Variants in BFSP2 observed in about 807,000 individuals in gnomAD.
The protein encoded by BFSP2 is phakinin.
Under a neutral mutation model 44.9 loss-of-function variants are expected in BFSP2, and 38 were observed. The ratio of observed to expected loss-of-function variants is 0.85; its 90% CI spans 0.65 to 1.11. The LOEUF is 1.11. Ranked by LOEUF, BFSP2 falls within the 50% of genes least tolerant of loss-of-function variation. The pLI, the probability that BFSP2 is intolerant of heterozygous loss-of-function variation, is 0.00. For synonymous variants in BFSP2, 197 were observed against 209.9 expected (o/e 0.94, Z 0.53); for missense variants, 525 against 533.0 (o/e 0.99, Z 0.15).
At chr3:133,457,239 G>A (rs1377384911) in intron 4 of BFSP2, among the ~76,000 whole-genome samples, 1 of 152,254 alleles carries the variant, frequency 6.6e-6, no homozygotes, top group South Asian at 2.1e-4. Flanking sequence ...AGCCATGGCT[G>A]TAGCCAGTGT....
chr3:133,450,810 A>G (rs2073956372), intron 4 of BFSP2, among the ~76,000 whole-genome samples: 1 of 152,168 alleles, frequency 6.6e-6, no homozygotes, highest in Non-Finnish European at 1.5e-5. Context: ...ATCTGAATAC[A>G]ATCCTGAAAG....
intron 5 of BFSP2, among the ~76,000 whole-genome samples, chr3:133,467,432 C>A (rs2074122882): frequency 6.6e-6 from 1 of 152,184 alleles, no homozygotes; most frequent in Non-Finnish European, 1.5e-5. Flanking sequence ...GAGACCACAT[C>A]CTCGCTTAGT....
intron 4 of BFSP2, among the ~76,000 whole-genome samples, chr3:133,464,159 G>A (rs1360311495): frequency 1.3e-5 from 2 of 152,154 alleles, no homozygotes; most frequent in African/African-American, 4.8e-5. Context: ...AAAAACTGGG[G>A]TATTGATCAT....
intron 4 of BFSP2, among the ~76,000 whole-genome samples, chr3:133,451,462 G>A (rs1408344557): frequency 6.6e-6 from 1 of 152,238 alleles, no homozygotes; most frequent in East Asian, 1.9e-4. Context: ...CGCTGCCACT[G>A]CAGTGTAAAA....
intron 1 of BFSP2, among the ~76,000 whole-genome samples, chr3:133,439,420 G>C (rs1345672295): frequency 6.6e-6 from 1 of 152,246 alleles, no homozygotes; most frequent in Non-Finnish European, 1.5e-5. Flanking sequence ...AGGAAGCAGA[G>C]ATGAGAGACT....
intron 3 of BFSP2, among the ~76,000 whole-genome samples, chr3:133,449,431 T>TTG (rs1175654725): frequency 9.8e-5 from 15 of 152,348 alleles, no homozygotes. Flanking sequence ...GTTTTTGTTT[T>TTG]ATTTTACTTT....
chr3:133,405,390 G>A (rs953704483), intron 1 of BFSP2, among the ~76,000 whole-genome samples: 4 of 152,138 alleles, frequency 2.6e-5, no homozygotes, highest in Non-Finnish European at 5.9e-5. Flanking sequence ...TTCACAGCCC[G>A]TCTTTCTGTC....
chr3:133,465,300 C>G (rs1356744466), intron 4 of BFSP2, among the ~76,000 whole-genome samples: 1 of 151,992 alleles, frequency 6.6e-6, no homozygotes, highest in Non-Finnish European at 1.5e-5. Context: ...AGCCACTGCA[C>G]CCAGCCTTGA....
chr3:133,422,676 T>G (rs2073603510), intron 1 of BFSP2, among the ~76,000 whole-genome samples: 1 of 149,932 alleles, frequency 6.7e-6, no homozygotes, highest in African/African-American at 2.5e-5. Context: ...TCAGTACATT[T>G]TGGGCACCTC....
intron 4 of BFSP2, among the ~76,000 whole-genome samples, chr3:133,466,284 G>T (rs1226486632): frequency 1.3e-5 from 2 of 152,108 alleles, no homozygotes; most frequent in Non-Finnish European, 2.9e-5. Flanking sequence ...AGACTTTATA[G>T]TCTGTAGGAA....
chr3:133,423,663 C>T (rs2073615080), intron 1 of BFSP2, among the ~76,000 whole-genome samples: 1 of 152,100 alleles, frequency 6.6e-6, no homozygotes, highest in Admixed American at 6.5e-5. Flanking sequence ...CTCAGAGTGG[C>T]CTGCAGGCCA....
Position 133,400,668 on chromosome 3 carries a change from C to A in BFSP2, c.489+96C>A. The A allele has an allele frequency of 6.6e-7, 1 of 1,514,850 alleles. No individual in the cohort carries two copies. The highest frequency in any genetic ancestry group is 1.2e-5 in the South Asian group (1 of 82,394). 93.8% of individuals were successfully genotyped at this position (1,514,850 alleles called of 1,614,324 possible). ...TGTGAGTAGGCTGAGGCCAGAGAAA[C>A]TGACCATAATCCCCTACACTTTCAC... On this transcript the variant is annotated intron_variant, in intron 1 of 6. Transcript: ENST00000302334. The surrounding 1 kb of genome is among the most constrained non-coding windows in gnomAD (Gnocchi z 4.0).
In BFSP2 at chr3:133,462,791, A is replaced by G. The variant is rs563895437; in HGVS notation, c.892-4037A>G. 3.3e-5 allele frequency among the ~76,000 whole-genome samples: 5 copies of G among 152,292 alleles called. No individual in the cohort carries two copies. In the South Asian group the frequency reaches 1.0e-3, roughly 32 times the overall value. ...TTCACCAACCATTTTTTATAATTCT[A>G]TCATCAACAATAGTATCACAAAATC... On this transcript the variant is annotated intron_variant, in intron 4 of 6. Transcript: ENST00000302334.
chr3:133,474,710 T>G (rs1208578608), intron 6 of BFSP2, among the ~76,000 whole-genome samples: 1 of 152,248 alleles, frequency 6.6e-6, no homozygotes, highest in Non-Finnish European at 1.5e-5. Context: ...TCTTGATTAT[T>G]TTTGTTTATC....
chr3:133,421,310 A>G (rs1176592179), intron 1 of BFSP2, among the ~76,000 whole-genome samples: 1 of 152,252 alleles, frequency 6.6e-6, no homozygotes, highest in East Asian at 1.9e-4. Context: ...ATTCTCTCAC[A>G]GGCCTGGAGA....
chr3:133,430,912 G>A (rs2073709772), intron 1 of BFSP2, among the ~76,000 whole-genome samples: 2 of 152,172 alleles, frequency 1.3e-5, no homozygotes, highest in Admixed American at 6.5e-5. Context: ...TCCGGCTTAT[G>A]GTTTCATTCC....
chr3:133,449,104 A>C (rs2073932307), intron 3 of BFSP2: 2 of 175,638 alleles, frequency 1.1e-5, no homozygotes, highest in African/African-American at 4.8e-5. Flanking sequence ...TATGGGGTCT[A>C]GTTCCCTGCG....
At chr3:133,425,436 C>A (rs1317830085) in intron 1 of BFSP2, among the ~76,000 whole-genome samples, 1 of 152,144 alleles carries the variant, frequency 6.6e-6, no homozygotes, top group Non-Finnish European at 1.5e-5. Context: ...CTCCCAAGAT[C>A]CCTTTCAACT....
chr3:133,431,873 C>G (rs1406577568), intron 1 of BFSP2, among the ~76,000 whole-genome samples: 2 of 152,154 alleles, frequency 1.3e-5, no homozygotes, highest in African/African-American at 2.4e-5. Flanking sequence ...CTGCCCCGTT[C>G]CCTTATTAGG....
Sources: allele counts gnomAD v4.1 joint callset (sites outside exome capture counted in the v4.1 genomes callset), GRCh38; gene constraint gnomAD v4.1.1; non-coding constraint Gnocchi (gnomAD v3.1); transcripts MANE v1.5; gene names NCBI Gene and HGNC (gene_info 2026-07-23, HGNC 2026-07-21).